Variants in YWHAE observed in about 807,000 individuals in gnomAD.
The protein encoded by YWHAE is tyrosine 3-monooxygenase/tryptophan 5-monooxygenase activation protein epsilon.
A neutral mutation model predicts 30.1 loss-of-function variants in YWHAE; 4 were observed. The observed-to-expected ratio is 0.13, with a 90% CI of 0.07 to 0.30. The LOEUF (loss-of-function observed/expected upper bound fraction) is 0.30. Among genes scored for constraint, YWHAE ranks in the 10% least tolerant of loss-of-function variants. The pLI is 1.00. For synonymous variants in YWHAE, 118 were observed against 111.8 expected (o/e 1.06, Z -0.35); for missense variants, 121 against 315.9 (o/e 0.38, Z 4.68).
At chr17:1,384,438 T>C (rs912123898) in intron 1 of YWHAE, among the ~76,000 whole-genome samples, 2 of 151,334 alleles carry the variant, frequency 1.3e-5, no homozygotes, top group Non-Finnish European at 2.9e-5. Context: ...ACGCCTGTAA[T>C]CCCAGCACTT....
intron 4 of YWHAE, among the ~76,000 whole-genome samples, chr17:1,358,905 C>T (rs1171524091): frequency 6.7e-6 from 1 of 149,696 alleles, no homozygotes; most frequent in Non-Finnish European, 1.5e-5. Flanking sequence ...GAGGCCGAGG[C>T]GGGCAGATCA....
intron 2 of YWHAE, 37 bp downstream of exon 2, chr17:1,364,822 C>G: frequency 6.2e-7 from 1 of 1,613,228 alleles, no homozygotes; most frequent in Non-Finnish European, 8.5e-7. Flanking sequence ...GTAACTCAAA[C>G]TGTGGATAAG....
At chr17:1,361,026 G>A (rs1051501606) in intron 4 of YWHAE, 66 bp downstream of exon 4, 9 of 1,474,226 alleles carry the variant, frequency 6.1e-6, no homozygotes, top group Admixed American at 3.5e-5. Context: ...GAAACAACAC[G>A]GAAAACCCAA....
chr17:1,376,349 AAGACAAGAAAGAC>A (rs2073122322), intron 1 of YWHAE, among the ~76,000 whole-genome samples: 3 of 152,014 alleles, frequency 2.0e-5, no homozygotes, highest in South Asian at 2.1e-4. Context: ...GACAGACAGA[AAGACAAGAAAGAC>A]AGACAGACAG....
intron 2 of YWHAE, among the ~76,000 whole-genome samples, chr17:1,362,550 G>C (rs1487165316): frequency 6.6e-6 from 1 of 152,096 alleles, no homozygotes; most frequent in Non-Finnish European, 1.5e-5. Flanking sequence ...TTTAGTGGCA[G>C]AGATCCGTAA....
chr17:1,345,598 C>T (rs2150833479), intron 5 of YWHAE, 99 bp from the exon 6 acceptor site: 4 of 1,289,144 alleles, frequency 3.1e-6, no homozygotes, highest in Non-Finnish European at 4.4e-6. Context: ...GACTCTTCTA[C>T]TTGCTACAAT....
rs1555640505 is a variant in YWHAE, at chr17:1,359,812, T to TGTG, written c.578+1279_578+1280insCAC. ...CAATGTATTCGGTGCCACTAAATTG[T>TGTG]TGTGTGTGTGTGTGTGTGTGTGTGT... On this transcript the variant is annotated intron_variant, in intron 4 of 5. Transcript: ENST00000264335. Among the ~76,000 whole-genome samples, 14 of 130,718 alleles carry TGTG rather than the reference T, an allele frequency of 1.1e-4. No individual in the cohort carries two copies. The South Asian group carries it at 1.9e-3, about 18-fold the overall frequency. 85.8% of individuals were successfully genotyped at this position (130,718 alleles called of 152,430 possible). A position where few individuals can be genotyped will look rare whatever the true frequency, so the allele number is the denominator to read the frequency against.
intron 1 of YWHAE, among the ~76,000 whole-genome samples, chr17:1,388,165 G>C (rs1182692365): frequency 9.6e-6 from 1 of 104,686 alleles, no homozygotes; most frequent in African/African-American, 3.8e-5. Context: ...GTTTCACCCT[G>C]TTGGTCAGGC....
At chr17:1,389,594 GATC>G (rs540085763) in intron 1 of YWHAE, among the ~76,000 whole-genome samples, 4 of 146,254 alleles carry the variant, frequency 2.7e-5, no homozygotes, top group Admixed American at 2.0e-4. Flanking sequence ...GCAGTGGCGC[GATC>G]CTGGCTCACT....
chr17:1,371,557 T>C (rs1235498917), intron 1 of YWHAE, among the ~76,000 whole-genome samples: 1 of 152,094 alleles, frequency 6.6e-6, no homozygotes, highest in Non-Finnish European at 1.5e-5. Context: ...TTAGCATGAT[T>C]CTTAAAGAGG....
chr17:1,370,739 G>C (rs1193137587), intron 1 of YWHAE, among the ~76,000 whole-genome samples: 1 of 151,910 alleles, frequency 6.6e-6, no homozygotes, highest in Non-Finnish European at 1.5e-5. Context: ...CTCACGCCTA[G>C]TAATCCCAGC....
At chr17:1,350,178 C>T (rs958034098) in intron 5 of YWHAE, among the ~76,000 whole-genome samples, 9 of 150,792 alleles carry the variant, frequency 6.0e-5, no homozygotes, top group African/African-American at 2.2e-4. Context: ...TCTCGAACTC[C>T]TGACCTCAGG....
chr17:1,379,362 A>G (rs62087948), intron 1 of YWHAE, among the ~76,000 whole-genome samples: 11,382 of 152,074 alleles, frequency 0.075, 495 homozygotes, highest in African/African-American at 0.1. Context: ...GCACACACCT[A>G]TAGTCCCAGC....
chr17:1,357,263 C>T (rs1473670171), intron 4 of YWHAE, among the ~76,000 whole-genome samples: 2 of 151,984 alleles, frequency 1.3e-5, no homozygotes, highest in African/African-American at 2.4e-5. Flanking sequence ...ATTAGCCGGG[C>T]GTGGTGGCGG....
chr17:1,370,004 G>T lies in YWHAE; in HGVS notation c.65-4946C>A, dbSNP rs2073005825. 3.3e-5 allele frequency among the ~76,000 whole-genome samples: 5 copies of T among 152,146 alleles called. No homozygotes were observed. The South Asian group carries it at 1.0e-3, about 32-fold the overall frequency. On this transcript the variant is annotated intron_variant, in intron 1 of 5. Transcript: ENST00000264335. ...ACTGCTTAGGGTGATGGCTGCTGAA[G>T]GCTGGAGTGGCCGTGGCAAGACAAT...
At chr17:1,373,844 G>T (rs2073083254) in intron 1 of YWHAE, among the ~76,000 whole-genome samples, 1 of 152,034 alleles carries the variant, frequency 6.6e-6, no homozygotes. Flanking sequence ...CAAACAGGGT[G>T]TACCTACGAA....
intron 4 of YWHAE, among the ~76,000 whole-genome samples, chr17:1,355,148 A>AAAT (rs1555639303): frequency 1.3e-5 from 1 of 76,796 alleles, no homozygotes; most frequent in African/African-American, 4.4e-5. Flanking sequence ...AAAAAAAAAA[A>AAAT]TTTTTTTTTT....
chr17:1,382,681 G>C (rs1017299308), intron 1 of YWHAE, among the ~76,000 whole-genome samples: 14 of 152,154 alleles, frequency 9.2e-5, no homozygotes, highest in African/African-American at 3.4e-4. Context: ...TTATTTACTT[G>C]ATATGGCTGT....
intron 5 of YWHAE, among the ~76,000 whole-genome samples, chr17:1,350,873 C>A (rs940876381): frequency 6.6e-6 from 1 of 151,270 alleles, no homozygotes; most frequent in African/African-American, 2.4e-5. Context: ...GCCTGGCCAA[C>A]ATGGTGAAAC....
Sources: gnomAD v4.1 joint callset for allele counts (sites outside exome capture counted in the v4.1 genomes callset) on GRCh38, gnomAD v4.1.1 for gene constraint, MANE v1.5 for transcripts, NCBI Gene and HGNC (gene_info 2026-07-23, HGNC 2026-07-21) for gene names.